Variants in PRKG1 observed in about 807,000 individuals in gnomAD.
PRKG1 encodes cGMP-dependent protein kinase 1.
In PRKG1, 35 loss-of-function variants were observed where a neutral mutation model predicts 88.1. That is an observed-to-expected ratio of 0.40 (90% CI 0.30 to 0.53). The LOEUF (loss-of-function observed/expected upper bound fraction) is 0.53, where lower values mean the gene tolerates loss of function less well. PRKG1 is among the 20% of genes least tolerant of loss of function. PRKG1 has a pLI of 0.59. For synonymous variants in PRKG1, 303 were observed against 292.5 expected, an observed-to-expected ratio of 1.04 and a Z score of -0.37; for missense variants, 540 against 839.8, an observed-to-expected ratio of 0.64 and a Z score of 4.41.
intron 3 of PRKG1, among the ~76,000 whole-genome samples, chr10:51,527,449 A>G (rs903534670): frequency 6.6e-6 from 1 of 152,152 alleles, no homozygotes; most frequent in South Asian, 2.1e-4. Flanking sequence ...AAACAGTGGA[A>G]ATGAGCTGAG....
chr10:52,109,277 A>T (rs1847498937), intron 7 of PRKG1, among the ~76,000 whole-genome samples: 1 of 152,182 alleles, frequency 6.6e-6, no homozygotes, highest in Non-Finnish European at 1.5e-5. Flanking sequence ...TAAAATTTGG[A>T]TATACTTTCT....
intron 9 of PRKG1, among the ~76,000 whole-genome samples, chr10:52,201,484 G>A (rs1455017056): frequency 1.3e-5 from 2 of 152,158 alleles, no homozygotes; most frequent in South Asian, 2.1e-4. Flanking sequence ...GTCAAGTACT[G>A]TAATGCTTCT....
intron 7 of PRKG1, among the ~76,000 whole-genome samples, chr10:52,064,971 T>C (rs2133274174): frequency 6.6e-6 from 1 of 152,304 alleles, no homozygotes; most frequent in South Asian, 2.1e-4. Flanking sequence ...GTGGAGGTAA[T>C]GTACATCTGG....
chr10:51,104,237 C>G (rs181884104), intron 1 of PRKG1, among the ~76,000 whole-genome samples: 30 of 152,224 alleles, frequency 2.0e-4, no homozygotes, highest in African/African-American at 5.8e-4. Context: ...AAATCATCCC[C>G]CACAATTAAA....
chr10:51,646,564 C>T (rs1016471342), intron 3 of PRKG1, among the ~76,000 whole-genome samples: 3 of 151,940 alleles, frequency 2.0e-5, no homozygotes, highest in East Asian at 3.9e-4. Flanking sequence ...TATATACTTA[C>T]ATCCGTAAAC....
intron 5 of PRKG1, among the ~76,000 whole-genome samples, chr10:52,028,881 C>A (rs1334601050): frequency 6.6e-6 from 1 of 152,124 alleles, no homozygotes; most frequent in Non-Finnish European, 1.5e-5. Flanking sequence ...GAAAAACCTT[C>A]CAGACTTAAT....
chr10:51,068,101 G>A (rs530751276), intron 1 of PRKG1, among the ~76,000 whole-genome samples: 2 of 152,000 alleles, frequency 1.3e-5, no homozygotes, highest in Non-Finnish European at 2.9e-5. Context: ...AGAATAATAC[G>A]TGGCAATATC....
At chr10:52,270,362 A>G (rs573744726) in intron 10 of PRKG1, among the ~76,000 whole-genome samples, 2 of 152,228 alleles carry the variant, frequency 1.3e-5, no homozygotes, top group East Asian at 1.9e-4. Context: ...CAGCCATCCC[A>G]TTACTGGGTA....
intron 3 of PRKG1, among the ~76,000 whole-genome samples, chr10:51,729,098 A>T (rs1842208758): frequency 6.6e-6 from 1 of 152,076 alleles, no homozygotes; most frequent in Non-Finnish European, 1.5e-5. Flanking sequence ...TGGAAAGATG[A>T]CTCTCTGTTG....
At chr10:51,798,950 T>A (rs1839091415) in intron 3 of PRKG1, among the ~76,000 whole-genome samples, 1 of 152,056 alleles carries the variant, frequency 6.6e-6, no homozygotes. Context: ...AGTCGAATAT[T>A]AGGGTCAAAT....
intron 2 of PRKG1, among the ~76,000 whole-genome samples, chr10:51,171,496 A>G (rs752804637): frequency 3.3e-5 from 5 of 152,066 alleles, no homozygotes; most frequent in Non-Finnish European, 7.4e-5. Context: ...TGTCTTTTCT[A>G]CATGGTTGAA....
At chr10:51,331,880 G>T (rs1370937635) in intron 2 of PRKG1, among the ~76,000 whole-genome samples, 2 of 152,142 alleles carry the variant, frequency 1.3e-5, no homozygotes, top group Non-Finnish European at 2.9e-5. Context: ...CTTAATGGGT[G>T]TTTTTGAAGA....
intron 1 of PRKG1, among the ~76,000 whole-genome samples, chr10:51,122,086 G>A (rs10761829): frequency 0.8 from 121,222 of 152,058 alleles, 48,896 homozygotes; most frequent in South Asian, 0.88. Context: ...GAAACCTTAG[G>A]AACATCTGTT....
At chr10:52,175,275 A>C (rs1018094655) in intron 9 of PRKG1, among the ~76,000 whole-genome samples, 4 of 152,100 alleles carry the variant, frequency 2.6e-5, no homozygotes, top group African/African-American at 9.7e-5. Context: ...CACTTAACAT[A>C]ATGTCCTTCA....
At chr10:51,186,926 T>G (rs911751120) in intron 2 of PRKG1, among the ~76,000 whole-genome samples, 1 of 145,614 alleles carries the variant, frequency 6.9e-6, no homozygotes, top group Non-Finnish European at 1.5e-5. Flanking sequence ...CCTACTTCTG[T>G]TAAAAATGAG....
chr10:52,167,413 A>G (rs1398936590), intron 9 of PRKG1, among the ~76,000 whole-genome samples: 2 of 152,186 alleles, frequency 1.3e-5, no homozygotes, highest in African/African-American at 4.8e-5. Flanking sequence ...ATTACATTTT[A>G]ACATGAGATT....
At chr10:52,064,003 C>G (rs1355525261) in intron 7 of PRKG1, among the ~76,000 whole-genome samples, 1 of 152,244 alleles carries the variant, frequency 6.6e-6, no homozygotes, top group African/African-American at 2.4e-5. Context: ...AGAAAAGGCA[C>G]TGCAAGTTCC....
intron 5 of PRKG1, among the ~76,000 whole-genome samples, chr10:51,958,667 G>C (rs538144389): frequency 2.7e-5 from 4 of 148,690 alleles, no homozygotes; most frequent in African/African-American, 1.0e-4. Context: ...AAATTACTAA[G>C]GCAATTATAT....
chr10:51,881,463 C>G (rs937077065), intron 4 of PRKG1, among the ~76,000 whole-genome samples: 3 of 152,116 alleles, frequency 2.0e-5, no homozygotes, highest in African/African-American at 7.2e-5. Flanking sequence ...GCTGAAATAG[C>G]AGGAAACTGG....
Sources: gnomAD v4.1 joint callset for allele counts (sites outside exome capture counted in the v4.1 genomes callset) on GRCh38, gnomAD v4.1.1 for gene constraint, MANE v1.5 for transcripts, NCBI Gene and HGNC (gene_info 2026-07-23, HGNC 2026-07-21) for gene names.